The following NFIB variants were observed in gnomAD, a reference collection of about 807,000 sequenced individuals.
NFIB encodes the protein nuclear factor 1 B-type.
Under a neutral mutation model 61.5 loss-of-function variants are expected in NFIB, and 11 were observed. The observed-to-expected ratio is 0.18, with a 90% CI of 0.11 to 0.30. The LOEUF is 0.30. NFIB is among the 10% of genes least tolerant of loss of function. NFIB has a pLI of 1.00. For synonymous variants in NFIB, 260 were observed against 216.5 expected, an observed-to-expected ratio of 1.20 and a Z score of -1.76; for missense variants, 471 against 608.9, an observed-to-expected ratio of 0.77 and a Z score of 2.38.
At chr9:14,454,334 C>G in the NFIB span, among the ~76,000 whole-genome samples, 2 of 152,234 alleles carry the variant, frequency 1.3e-5, no homozygotes, top group South Asian at 2.1e-4. Flanking sequence ...TAGCTGCAGA[C>G]AATCTGCAAA....
chr9:14,252,756 T>C (rs1163621484), intron 2 of NFIB, among the ~76,000 whole-genome samples: 4 of 152,092 alleles, frequency 2.6e-5, no homozygotes. Context: ...GATCTACTGA[T>C]GCAGCTTTAC....
chr9:14,287,060 G>C (rs1004817207), intron 2 of NFIB, among the ~76,000 whole-genome samples: 4 of 152,142 alleles, frequency 2.6e-5, no homozygotes, highest in Non-Finnish European at 5.9e-5. Flanking sequence ...CAGAGGAACT[G>C]AGAATTTCAC....
At chr9:14,136,873 G>A (rs1034204934) in intron 6 of NFIB, among the ~76,000 whole-genome samples, 1 of 152,044 alleles carries the variant, frequency 6.6e-6, no homozygotes, top group Non-Finnish European at 1.5e-5. Flanking sequence ...TGCTCTTAAT[G>A]GAAAAGTAGT....
At chr9:14,259,980 G>C (rs1327320826) in intron 2 of NFIB, among the ~76,000 whole-genome samples, 1 of 152,198 alleles carries the variant, frequency 6.6e-6, no homozygotes, top group Non-Finnish European at 1.5e-5. Flanking sequence ...GCTTAATGCT[G>C]AGAAGTAGGC....
chr9:14,126,424 G>A (rs937620187), intron 6 of NFIB, among the ~76,000 whole-genome samples: 1 of 152,202 alleles, frequency 6.6e-6, no homozygotes, highest in African/African-American at 2.4e-5. Flanking sequence ...TTGAGAGCAG[G>A]GAAGTTTTGG....
At chr9:14,355,587 G>A (rs1019262922) in intron 1 of NFIB, among the ~76,000 whole-genome samples, 6 of 152,146 alleles carry the variant, frequency 3.9e-5, no homozygotes, top group Admixed American at 2.6e-4. Flanking sequence ...TGGCAGCAGG[G>A]CTGGCTTCCT....
At chr9:14,230,971 AGGGG>A (rs765351246) in intron 2 of NFIB, among the ~76,000 whole-genome samples, 15,296 of 151,282 alleles carry the variant, frequency 0.1, 985 homozygotes, top group South Asian at 0.17. Context: ...CGAAAGGCAA[AGGGG>A]GAGCGGAGAA....
intron 2 of NFIB, among the ~76,000 whole-genome samples, chr9:14,206,818 C>T (rs909034617): frequency 4.0e-5 from 6 of 149,696 alleles, no homozygotes; most frequent in African/African-American, 1.2e-4. Context: ...AACTAGAATA[C>T]AAGTTTTTGG....
At chr9:14,208,925 C>A (rs936493798) in intron 2 of NFIB, among the ~76,000 whole-genome samples, 4 of 152,062 alleles carry the variant, frequency 2.6e-5, no homozygotes, top group African/African-American at 9.7e-5. Flanking sequence ...TGCAACACCC[C>A]ACCCATAAGG....
intron 2 of NFIB, among the ~76,000 whole-genome samples, chr9:14,255,140 T>C (rs1392898738): frequency 6.6e-6 from 1 of 152,106 alleles, no homozygotes; most frequent in Non-Finnish European, 1.5e-5. Context: ...GGAGAATCAC[T>C]TGAGCCCAGG....
intron 2 of NFIB, among the ~76,000 whole-genome samples, chr9:14,245,574 C>T (rs2054826834): frequency 6.6e-6 from 1 of 151,960 alleles, no homozygotes; most frequent in Admixed American, 6.6e-5. Context: ...GTCATACAAG[C>T]AATAATAAGT....
chr9:14,309,368 G>C (rs956210216), intron 1 of NFIB, among the ~76,000 whole-genome samples: 10 of 152,162 alleles, frequency 6.6e-5, no homozygotes, highest in African/African-American at 2.4e-4. Flanking sequence ...CAATAATGTA[G>C]TTATCAAGTG....
intron 2 of NFIB, among the ~76,000 whole-genome samples, chr9:14,233,614 G>C (rs142243564): frequency 6.6e-6 from 1 of 151,892 alleles, no homozygotes; most frequent in African/African-American, 2.4e-5. Context: ...TTTTGTAGTA[G>C]AGACCGGGTT....
the NFIB span, among the ~76,000 whole-genome samples, chr9:14,459,097 C>T: frequency 2.0e-5 from 3 of 151,976 alleles, no homozygotes; most frequent in South Asian, 2.1e-4. Flanking sequence ...GGAGGCATCA[C>T]GCTACCTGAC....
chr9:14,411,775 T>C, the NFIB span, among the ~76,000 whole-genome samples: 1 of 152,126 alleles, frequency 6.6e-6, no homozygotes, highest in East Asian at 1.9e-4. Flanking sequence ...TCCTACACTG[T>C]ATTAAGGCTG....
chr9:14,232,924 T>C (rs1448553538), intron 2 of NFIB, among the ~76,000 whole-genome samples: 1 of 152,092 alleles, frequency 6.6e-6, no homozygotes, highest in African/African-American at 2.4e-5. Flanking sequence ...TAAAGCAGAG[T>C]CCACAGTGGC....
At chr9:14,154,442 G>A (rs189538585) in intron 4 of NFIB, among the ~76,000 whole-genome samples, 58 of 152,226 alleles carry the variant, frequency 3.8e-4, no homozygotes, top group Admixed American at 3.8e-3. Flanking sequence ...GCTACAAAGT[G>A]CTACTGGTAA....
intron 2 of NFIB, among the ~76,000 whole-genome samples, chr9:14,304,030 A>G (rs1053526325): frequency 3.3e-5 from 5 of 152,278 alleles, no homozygotes; most frequent in Non-Finnish European, 5.9e-5. Context: ...TAGTAGCCGA[A>G]TAACAAAGAG....
At chr9:14,170,827 A>G (rs909678392) in intron 3 of NFIB, among the ~76,000 whole-genome samples, 1 of 152,188 alleles carries the variant, frequency 6.6e-6, no homozygotes, top group African/African-American at 2.4e-5. Context: ...GGTTATAGCA[A>G]TAGCCTTTAA....
Sources: allele counts gnomAD v4.1 joint callset (sites outside exome capture counted in the v4.1 genomes callset), GRCh38; gene constraint gnomAD v4.1.1; transcripts MANE v1.5; gene names NCBI Gene and HGNC (gene_info 2026-07-23, HGNC 2026-07-21).